QTMAN: variants seen among roughly 807,000 people sequenced by gnomAD.
QTMAN encodes the protein tRNA-queuosine alpha-mannosyltransferase.
At chr2:143,962,164 A>G in the QTMAN span, among the ~76,000 whole-genome samples, 2 of 152,084 alleles carry the variant, frequency 1.3e-5, no homozygotes, top group African/African-American at 4.8e-5. Flanking sequence ...AGTGATATAT[A>G]TATCACTATG....
At chr2:144,182,876 TATATATATTTTATATATATATATATTA>T in the QTMAN span, among the ~76,000 whole-genome samples, 2 of 79,772 alleles carry the variant, frequency 2.5e-5, no homozygotes, top group Non-Finnish European at 4.4e-5. Flanking sequence ...ATATATATTA[TATATATATTTTATATATATATATATTA>T]TATATATATA....
chr2:144,306,858 A>G, the QTMAN span, among the ~76,000 whole-genome samples: 2 of 152,160 alleles, frequency 1.3e-5, no homozygotes, highest in Non-Finnish European at 2.9e-5. Flanking sequence ...CATATTAACA[A>G]GTGTTAAAAG....
the QTMAN span, among the ~76,000 whole-genome samples, chr2:144,194,745 C>G: frequency 2.6e-5 from 4 of 152,072 alleles, no homozygotes; most frequent in African/African-American, 9.7e-5. Flanking sequence ...AAAAATAAAA[C>G]AGAAATGTAG....
At chr2:144,172,032 T>G in the QTMAN span, among the ~76,000 whole-genome samples, 1 of 152,082 alleles carries the variant, frequency 6.6e-6, no homozygotes. Flanking sequence ...TGACATAATA[T>G]GAAATTAAAT....
the QTMAN span, among the ~76,000 whole-genome samples, chr2:143,992,306 T>C: frequency 6.7e-6 from 1 of 149,116 alleles, no homozygotes; most frequent in Non-Finnish European, 1.5e-5. Flanking sequence ...CAGTGCAAGA[T>C]GTGCTTTGTT....
chr2:144,023,396 C>G, the QTMAN span, among the ~76,000 whole-genome samples: 3 of 152,108 alleles, frequency 2.0e-5, no homozygotes, highest in African/African-American at 4.8e-5. Context: ...TACAGAGTGC[C>G]CATGCAAACT....
At chr2:144,007,568 G>A in the QTMAN span, 1 of 1,391,320 alleles carries the variant, frequency 7.2e-7, no homozygotes, top group East Asian at 2.4e-5. Flanking sequence ...TATACTTTTA[G>A]TGGAAAAAAA....
the QTMAN span, chr2:143,939,338 T>C: frequency 6.6e-6 from 1 of 152,202 alleles, no homozygotes; most frequent in African/African-American, 2.4e-5. Context: ...TGTTCATGAG[T>C]AGGTTTTTAA....
chr2:144,057,909 G>C, the QTMAN span, among the ~76,000 whole-genome samples: 1 of 151,940 alleles, frequency 6.6e-6, no homozygotes, highest in Non-Finnish European at 1.5e-5. Flanking sequence ...GAACTCCTGG[G>C]CTCAAATCTT....
the QTMAN span, among the ~76,000 whole-genome samples, chr2:144,106,335 A>G: frequency 6.6e-6 from 1 of 152,226 alleles, no homozygotes; most frequent in African/African-American, 2.4e-5. Context: ...GTCAAGACCC[A>G]TCAGTGTGCT....
At chr2:144,232,863 C>A in the QTMAN span, among the ~76,000 whole-genome samples, 1 of 152,210 alleles carries the variant, frequency 6.6e-6, no homozygotes, top group South Asian at 2.1e-4. Context: ...ATTCATTATG[C>A]CACATTTTCA....
chr2:144,137,105 T>C, the QTMAN span, among the ~76,000 whole-genome samples: 19 of 152,320 alleles, frequency 1.2e-4, no homozygotes, highest in African/African-American at 4.6e-4. Context: ...ATGTTTATTG[T>C]CTTCCTTTAG....
At chr2:144,301,216 G>GT in the QTMAN span, among the ~76,000 whole-genome samples, 10 of 152,000 alleles carry the variant, frequency 6.6e-5, no homozygotes, top group South Asian at 4.2e-4. Flanking sequence ...GTTTTGTCTT[G>GT]TTTTTTTGTT....
chr2:144,117,556 T>G, the QTMAN span, among the ~76,000 whole-genome samples: 1 of 152,176 alleles, frequency 6.6e-6, no homozygotes, highest in Non-Finnish European at 1.5e-5. Flanking sequence ...AATAATTACA[T>G]CATTAAATAG....
the QTMAN span, chr2:144,145,464 G>C: frequency 2.5e-5 from 17 of 678,668 alleles, no homozygotes; most frequent in African/African-American, 2.9e-4. Flanking sequence ...CTACCTTATG[G>C]TGTTTTAAAA....
the QTMAN span, among the ~76,000 whole-genome samples, chr2:144,056,127 T>C: frequency 2.0e-5 from 3 of 152,356 alleles, no homozygotes; most frequent in African/African-American, 4.8e-5. Flanking sequence ...TATACTTTAC[T>C]GTACTCTAGC....
the QTMAN span, among the ~76,000 whole-genome samples, chr2:143,989,154 T>C: frequency 2.0e-5 from 3 of 151,990 alleles, no homozygotes; most frequent in African/African-American, 4.8e-5. Context: ...TCAACCTTGG[T>C]GTTTTTAATC....
the QTMAN span, among the ~76,000 whole-genome samples, chr2:144,112,446 G>A: frequency 2.0e-5 from 3 of 152,172 alleles, no homozygotes; most frequent in South Asian, 2.1e-4. Flanking sequence ...AGCCCAGGCT[G>A]GATATTAAAG....
chr2:144,213,505 T>A, the QTMAN span, among the ~76,000 whole-genome samples: 33 of 152,176 alleles, frequency 2.2e-4, no homozygotes, highest in Non-Finnish European at 2.1e-4. Context: ...TTCAAATCAT[T>A]TTCCAACCAA....
Sources: allele counts gnomAD v4.1 joint callset (sites outside exome capture counted in the v4.1 genomes callset), GRCh38; gene constraint gnomAD v4.1.1; transcripts MANE v1.5; gene names NCBI Gene and HGNC (gene_info 2026-07-23, HGNC 2026-07-21).